LRRC53: variants seen among roughly 807,000 people sequenced by gnomAD.
LRRC53 encodes the protein leucine-rich repeat-containing protein 53.
Under a neutral mutation model 13.6 loss-of-function variants are expected in LRRC53, and 25 were observed. The observed-to-expected ratio is 1.83, with a 90% confidence interval of 1.34 to 2.56. The LOEUF (loss-of-function observed/expected upper bound fraction) is 2.56, where lower values mean the gene tolerates loss of function less well. Among genes scored for constraint, LRRC53 ranks in the 30% most tolerant of loss-of-function variants. The pLI, the probability that LRRC53 is intolerant of heterozygous loss-of-function variation, is 0.00. For missense variants in LRRC53, 527 were observed against 275.8 expected (o/e 1.91, Z -6.45); for synonymous variants, 204 against 109.8 (o/e 1.86, Z -5.37).
At chr1:74,511,510 C>T (rs1670223617) in intron 1 of LRRC53, among the ~76,000 whole-genome samples, 1 of 152,126 alleles carries the variant, frequency 6.6e-6, no homozygotes, top group African/African-American at 2.4e-5. Context: ...ATGTATGTGT[C>T]ATTTTCCCTA....
chr1:74,492,372 A>G (rs980140673), intron 1 of LRRC53: 1 of 1,306,198 alleles, frequency 7.7e-7, no homozygotes, highest in East Asian at 2.7e-5. Flanking sequence ...TACCCCCTGA[A>G]AAACTTTGAA....
intron 1 of LRRC53, among the ~76,000 whole-genome samples, chr1:74,502,162 T>G (rs541055800): frequency 6.6e-6 from 1 of 152,278 alleles, no homozygotes. Context: ...TTACTTGGAG[T>G]GATAATCTTA....
chr1:74,476,435 A>T lies in LRRC53; in HGVS notation c.905-625T>A, dbSNP rs554991146. The stretch of plus-strand genomic sequence containing the variant: ...CCTTATGAGGTGTATTATTCTGTTT[A>T]TTCATTCATATGCTTGTTCGCAGAC... On this transcript the variant is annotated intron_variant, in intron 3 of 4. Transcript: ENST00000294635. 7.2e-5 allele frequency among the ~76,000 whole-genome samples: 11 copies of T among 152,218 alleles called. No homozygotes were observed. The South Asian group carries it at 2.3e-3, about 32-fold the overall frequency.
chr1:74,514,898 C>A (rs1202165053), upstream of LRRC53, among the ~76,000 whole-genome samples: 1 of 152,062 alleles, frequency 6.6e-6, no homozygotes, highest in Non-Finnish European at 1.5e-5. Flanking sequence ...GGAGTTTATA[C>A]TGGAGTAGGG....
chr1:74,473,329 C>T (rs896152747), intron 4 of LRRC53, among the ~76,000 whole-genome samples: 2 of 151,656 alleles, frequency 1.3e-5, no homozygotes, highest in African/African-American at 2.4e-5. Context: ...GAACCCAAGT[C>T]TATCTGACAT....
intron 2 of LRRC53, among the ~76,000 whole-genome samples, chr1:74,482,176 A>G (rs1370798522): frequency 6.6e-6 from 1 of 152,058 alleles, no homozygotes; most frequent in Non-Finnish European, 1.5e-5. Context: ...TCCTTTAGGG[A>G]TTTACTGACT....
chr1:74,511,121 T>C (rs1166488500), intron 1 of LRRC53, among the ~76,000 whole-genome samples: 2 of 151,878 alleles, frequency 1.3e-5, no homozygotes. Flanking sequence ...CTCCTGGTGA[T>C]CACCTCAGGT....
At chr1:74,518,874 C>CTTTTTTTTTTTT in the LRRC53 span, among the ~76,000 whole-genome samples, 2 of 29,052 alleles carry the variant, frequency 6.9e-5, no homozygotes, top group African/African-American at 1.7e-4. Context: ...TTTTTTTCCC[C>CTTTTTTTTTTTT]TTTTTTTTTT....
intron 1 of LRRC53, among the ~76,000 whole-genome samples, chr1:74,494,442 A>G (rs1005343316): frequency 3.9e-5 from 6 of 152,190 alleles, no homozygotes; most frequent in Non-Finnish European, 7.3e-5. Context: ...ATTGATAACC[A>G]CACAAACTGG....
chr1:74,492,216 C>A (rs761994983), intron 1 of LRRC53: 8 of 1,612,336 alleles, frequency 5.0e-6, no homozygotes, highest in South Asian at 2.2e-5. Flanking sequence ...GAAGTCGTTT[C>A]GAATTGGAAT....
At chr1:74,531,429 G>C in the LRRC53 span, among the ~76,000 whole-genome samples, 4 of 152,158 alleles carry the variant, frequency 2.6e-5, no homozygotes, top group Non-Finnish European at 4.4e-5. Context: ...GTCTCTAATA[G>C]AAATATCATC....
the LRRC53 span, among the ~76,000 whole-genome samples, chr1:74,520,790 A>G: frequency 6.6e-6 from 1 of 152,094 alleles, no homozygotes; most frequent in South Asian, 2.1e-4. Flanking sequence ...GAGTTGCAAC[A>G]TGTGGGTTGC....
chr1:74,534,984 C>G, the LRRC53 span, among the ~76,000 whole-genome samples: 14 of 152,296 alleles, frequency 9.2e-5, no homozygotes, highest in African/African-American at 3.4e-4. Flanking sequence ...ACTAACAGCA[C>G]ACTGAGTAGC....
chr1:74,500,779 CA>C (rs911211533), intron 1 of LRRC53, among the ~76,000 whole-genome samples: 1 of 151,612 alleles, frequency 6.6e-6, no homozygotes, highest in Non-Finnish European at 1.5e-5. Flanking sequence ...CCTGCACCTT[CA>C]GGGGGAAAAT....
the LRRC53 span, among the ~76,000 whole-genome samples, chr1:74,533,765 A>T: frequency 6.6e-6 from 1 of 152,134 alleles, no homozygotes; most frequent in African/African-American, 2.4e-5. Context: ...CTTTGTAGGG[A>T]CATGGATGAA....
In LRRC53 at chr1:74,469,468, C is replaced by T. The variant is rs184219451; in HGVS notation, c.*410G>A. ...AATATATAATTATCCATGTAGAAAG[C>T]AATATTGTAATACCACTAATTGAGA... On this transcript the variant is annotated 3_prime_UTR_variant, in exon 5 of 5. Coordinates refer to ENST00000294635, the MANE Select transcript of LRRC53 (RefSeq NM_001382280.1). 6.5e-6 allele frequency: 1 copy of T among 154,184 alleles called. No individual in the cohort carries two copies. Among genetic ancestry groups the T allele is most frequent in the Non-Finnish European group, 1.4e-5 (1 of 69,514 alleles). The allele number at this position is 154,184 out of a possible 1,614,324, so 9.6% of individuals were successfully genotyped here. A position where few individuals can be genotyped will look rare whatever the true frequency, so the allele number is the denominator to read the frequency against.
At chr1:74,494,398 TA>T (rs1212793594) in intron 1 of LRRC53, among the ~76,000 whole-genome samples, 2 of 152,224 alleles carry the variant, frequency 1.3e-5, no homozygotes, top group African/African-American at 4.8e-5. Flanking sequence ...CTTTAATCTA[TA>T]AAATGTCATG....
At chr1:74,490,282 A>T (rs997806299) in intron 1 of LRRC53, among the ~76,000 whole-genome samples, 3 of 152,170 alleles carry the variant, frequency 2.0e-5, no homozygotes, top group African/African-American at 7.2e-5. Context: ...AAGTAGTCAT[A>T]TATTTGGTGG....
intron 3 of LRRC53, among the ~76,000 whole-genome samples, chr1:74,478,490 A>G (rs1668317845): frequency 6.6e-6 from 1 of 152,208 alleles, no homozygotes; most frequent in Non-Finnish European, 1.5e-5. Flanking sequence ...TAACTAAAAG[A>G]TACTAAAAAT....
Sources: allele counts gnomAD v4.1 joint callset (sites outside exome capture counted in the v4.1 genomes callset), GRCh38; gene constraint gnomAD v4.1.1; transcripts MANE v1.5; gene names NCBI Gene and HGNC (gene_info 2026-07-23, HGNC 2026-07-21).